The following SDK1 variants were observed in gnomAD, a reference collection of about 807,000 sequenced individuals.
SDK1 encodes sidekick cell adhesion molecule 1.
A neutral mutation model predicts 245.5 loss-of-function variants in SDK1; 157 were observed. The observed-to-expected ratio is 0.64, with a 90% CI of 0.56 to 0.73. SDK1 has a LOEUF of 0.73. SDK1 is among the 30% of genes least tolerant of loss of function. The probability of loss-of-function intolerance (pLI) is 0.00; values close to 1 mark genes in which losing one functional copy is unlikely to be tolerated. For synonymous variants in SDK1, 1,647 were observed against 1,278.5 expected (o/e 1.29, Z -6.15); for missense variants, 3,583 against 3,002.3 (o/e 1.19, Z -4.52).
At chr7:4,195,823 C>T (rs1337689553) in intron 35 of SDK1, among the ~76,000 whole-genome samples, 2 of 152,138 alleles carry the variant, frequency 1.3e-5, no homozygotes, top group Admixed American at 6.6e-5. Flanking sequence ...TGCTCCTCCC[C>T]AGCCTCTCGG....
At chr7:4,259,294 C>T (rs887949286) in intron 44 of SDK1, among the ~76,000 whole-genome samples, 3 of 152,112 alleles carry the variant, frequency 2.0e-5, no homozygotes, top group African/African-American at 4.8e-5. Context: ...CAAAAATTAG[C>T]CAGGTGTGGT....
intron 1 of SDK1, among the ~76,000 whole-genome samples, chr7:3,605,129 GAAAA>G (rs566038077): frequency 9.4e-6 from 1 of 106,594 alleles, no homozygotes; most frequent in African/African-American, 4.6e-5. Flanking sequence ...AGCACTTGAG[GAAAA>G]AAAAAACAAG....
chr7:4,232,402 C>CTTT (rs1234788967), intron 40 of SDK1, among the ~76,000 whole-genome samples: 47 of 64,990 alleles, frequency 7.2e-4, no homozygotes, highest in African/African-American at 9.2e-4. Flanking sequence ...CTTTTCTTTT[C>CTTT]TTTTCTTTCT....
chr7:3,785,915 T>C (rs1304630262), intron 4 of SDK1, among the ~76,000 whole-genome samples: 2 of 152,234 alleles, frequency 1.3e-5, no homozygotes, highest in East Asian at 3.8e-4. Flanking sequence ...GAAATATTCC[T>C]TGAGGAAATG....
intron 1 of SDK1, among the ~76,000 whole-genome samples, chr7:3,509,481 G>A (rs1215796812): frequency 1.3e-5 from 2 of 152,164 alleles, no homozygotes; most frequent in Non-Finnish European, 2.9e-5. Context: ...AAGGGTGCCT[G>A]GCACGTGATA....
At chr7:3,842,751 T>C (rs1780190330) in intron 5 of SDK1, among the ~76,000 whole-genome samples, 4 of 152,090 alleles carry the variant, frequency 2.6e-5, no homozygotes, top group Non-Finnish European at 4.4e-5. Context: ...GCTCCTTTTC[T>C]CCCTCACTTC....
intron 22 of SDK1, among the ~76,000 whole-genome samples, chr7:4,105,907 C>T (rs1219008885): frequency 2.0e-5 from 3 of 152,098 alleles, no homozygotes; most frequent in African/African-American, 4.8e-5. Context: ...AATGACAAAC[C>T]GCGGCTGCAG....
intron 4 of SDK1, among the ~76,000 whole-genome samples, chr7:3,742,607 G>A (rs1779507714): frequency 6.6e-6 from 1 of 152,010 alleles, no homozygotes; most frequent in African/African-American, 2.4e-5. Context: ...TAGCATTTTT[G>A]TCTTTTTTCC....
chr7:3,609,329 A>G (rs1348108230), intron 1 of SDK1, among the ~76,000 whole-genome samples: 1 of 152,178 alleles, frequency 6.6e-6, no homozygotes, highest in African/African-American at 2.4e-5. Context: ...GTTGATTGAG[A>G]AACCCAGACA....
At chr7:4,139,061 T>C (rs1420030924) in intron 28 of SDK1, among the ~76,000 whole-genome samples, 1 of 152,228 alleles carries the variant, frequency 6.6e-6, no homozygotes, top group African/African-American at 2.4e-5. Context: ...CCCCGTGTCA[T>C]GTGTTGGGGA....
intron 1 of SDK1, among the ~76,000 whole-genome samples, chr7:3,500,585 T>G (rs1332741301): frequency 1.3e-5 from 2 of 152,198 alleles, no homozygotes; most frequent in Non-Finnish European, 2.9e-5. Flanking sequence ...ATTTCTGTTT[T>G]CTCCAGTGTT....
At position 4,210,092 on chromosome 7, in the gene SDK1, C is replaced by A. The variant is rs766373765; in HGVS notation, c.5469C>A (p.Gly1823=). ...CCACCACGCTCAACGTGTCCTGGGG[C>A]GAGCCTGCGGCGGCCAACGGCATCC... ...ITSTTLNVSW[G]EPAAANGILQ... Residue 1823 remains glycine (G), a synonymous_variant, in exon 38 of 45, where the codon GGC becomes GGA. Coordinates refer to ENST00000404826, the MANE Select transcript of SDK1 (RefSeq NM_152744.4). 6.2e-7 allele frequency: 1 copy of A among 1,610,364 alleles called. No homozygotes were observed. Among genetic ancestry groups the A allele is most frequent in the East Asian group, 2.2e-5 (1 of 44,742 alleles).
At chr7:3,989,696 C>G (rs73673210) in intron 14 of SDK1, among the ~76,000 whole-genome samples, 6 of 152,130 alleles carry the variant, frequency 3.9e-5, no homozygotes, top group Non-Finnish European at 5.9e-5. Flanking sequence ...GCAGATTCAG[C>G]CTGAGTTCTG....
At chr7:4,117,995 T>C (rs1316885931) in intron 25 of SDK1, among the ~76,000 whole-genome samples, 2 of 152,148 alleles carry the variant, frequency 1.3e-5, no homozygotes, top group African/African-American at 2.4e-5. Context: ...TTGCATTATA[T>C]GGATGGCCCA....
intron 4 of SDK1, among the ~76,000 whole-genome samples, chr7:3,688,957 G>A (rs1292643234): frequency 6.6e-6 from 1 of 152,184 alleles, no homozygotes; most frequent in Non-Finnish European, 1.5e-5. Context: ...GGACAGGTCA[G>A]CAGACTACTG....
intron 1 of SDK1, among the ~76,000 whole-genome samples, chr7:3,542,919 A>T (rs532595676): frequency 6.6e-6 from 1 of 152,224 alleles, no homozygotes; most frequent in Non-Finnish European, 1.5e-5. Context: ...TAGGAAAAAT[A>T]GCAGACCAGA....
chr7:3,350,076 A>G (rs564194543), intron 1 of SDK1, among the ~76,000 whole-genome samples: 2 of 152,158 alleles, frequency 1.3e-5, no homozygotes, highest in African/African-American at 4.8e-5. Flanking sequence ...AGGTCATGCT[A>G]TTGGTGATGG....
At chr7:3,849,765 G>A (rs1780373257) in intron 5 of SDK1, among the ~76,000 whole-genome samples, 1 of 152,156 alleles carries the variant, frequency 6.6e-6, no homozygotes, top group Non-Finnish European at 1.5e-5. Flanking sequence ...TAGTTAGCAG[G>A]ATCATTTGTT....
At chr7:4,176,157 TTTC>T (rs1782196737) in intron 34 of SDK1, among the ~76,000 whole-genome samples, 1 of 151,940 alleles carries the variant, frequency 6.6e-6, no homozygotes, top group Non-Finnish European at 1.5e-5. Flanking sequence ...TTTCTTTTCT[TTTC>T]TTTACTTTTT....
Sources: allele counts gnomAD v4.1 joint callset (sites outside exome capture counted in the v4.1 genomes callset), GRCh38; gene constraint gnomAD v4.1.1; transcripts MANE v1.5; gene names NCBI Gene and HGNC (gene_info 2026-07-23, HGNC 2026-07-21).